The following MYO1D variants were observed in gnomAD, a reference collection of about 807,000 sequenced individuals.
MYO1D encodes myosin ID, also known as unconventional myosin-Id.
In MYO1D, 83 loss-of-function variants were observed where a neutral mutation model predicts 122.0. That is an observed-to-expected ratio of 0.68 (90% CI 0.57 to 0.82). MYO1D has a LOEUF of 0.82. Among genes scored for constraint, MYO1D ranks in the 40% least tolerant of loss-of-function variants. The pLI, the probability that MYO1D is intolerant of heterozygous loss-of-function variation, is 0.00. For missense variants in MYO1D, 1,157 were observed against 1,269.5 expected, an observed-to-expected ratio of 0.91 and a Z score of 1.35; for synonymous variants, 464 against 446.9, an observed-to-expected ratio of 1.04 and a Z score of -0.48.
rs751260618 is a variant in MYO1D, at chr17:32,780,011, T to C, written c.304+565A>G. On this transcript the variant is annotated intron_variant, in intron 2 of 21. Coordinates refer to ENST00000318217, the MANE Select transcript of MYO1D (RefSeq NM_015194.3). Reference sequence around the variant, plus strand: ...TCCCCATTTCACTACATAAGGGTCCTTGAAGGGCTCCCCTTAACGTAGGCA... The same window carrying C: ...TCCCCATTTCACTACATAAGGGTCCCTGAAGGGCTCCCCTTAACGTAGGCA... Among the ~76,000 whole-genome samples, 9 of 152,266 alleles carry C rather than the reference T, an allele frequency of 5.9e-5. No homozygotes were observed. In the East Asian group the frequency reaches 1.7e-3, roughly 29 times the overall value.
chr17:32,584,763 G>A (rs990776670), intron 21 of MYO1D, among the ~76,000 whole-genome samples: 1 of 152,124 alleles, frequency 6.6e-6, no homozygotes, highest in African/African-American at 2.4e-5. Context: ...GGAATTACAG[G>A]CATGAGCCAT....
intron 21 of MYO1D, chr17:32,531,511 T>C (rs2150873180): frequency 6.6e-6 from 1 of 152,318 alleles, no homozygotes; most frequent in South Asian, 2.1e-4. Flanking sequence ...ATTTATATAG[T>C]AAGCTTACTC....
intron 21 of MYO1D, among the ~76,000 whole-genome samples, chr17:32,515,323 C>G (rs746855034): frequency 2.6e-5 from 4 of 152,174 alleles, no homozygotes; most frequent in Admixed American, 6.5e-5. Context: ...CTCCTCCTGT[C>G]TTTTCTTTGA....
intron 1 of MYO1D, among the ~76,000 whole-genome samples, chr17:32,841,591 T>A (rs766022912): frequency 6.6e-6 from 1 of 152,122 alleles, no homozygotes; most frequent in South Asian, 2.1e-4. Context: ...ATAATAGGTG[T>A]CTACTACAAA....
In MYO1D at chr17:32,654,562, G is replaced by A. The variant is rs2088448121; in HGVS notation, c.2405C>T (p.Ala802Val). 6.2e-7 allele frequency: 1 copy of A among 1,614,016 alleles called. No homozygotes were observed. Among genetic ancestry groups the A allele is most frequent in the Non-Finnish European group, 8.5e-7 (1 of 1,179,940 alleles). Residue 802 changes from alanine (A) to valine (V), a missense_variant, in exon 18 of 22, where the codon GCA becomes GTA. Ala to Val is a moderately conservative substitution (Grantham distance 64). Transcript: ENST00000318217. ...IPASDLPQVRAKVAAVEMLKG... is the reference protein window; with the variant it reads ...IPASDLPQVRVKVAAVEMLKG... ...CAACATTTCCACGGCTGCAACCTTT[G>A]CCCTGACCTGGGGCAGGTCTGAGGC...
chr17:32,577,230 G>A (rs538360950), intron 21 of MYO1D, among the ~76,000 whole-genome samples: 2 of 141,862 alleles, frequency 1.4e-5, no homozygotes, highest in East Asian at 1.9e-4. Context: ...CAGCCTGGGC[G>A]ACAGAGTGGG....
chr17:32,832,939 G>A (rs932286617), intron 1 of MYO1D, among the ~76,000 whole-genome samples: 4 of 152,228 alleles, frequency 2.6e-5, no homozygotes, highest in African/African-American at 7.2e-5. Flanking sequence ...CCCAAGGGAC[G>A]TTTACATTAT....
intron 21 of MYO1D, among the ~76,000 whole-genome samples, chr17:32,542,678 C>T (rs988301581): frequency 1.3e-5 from 2 of 151,282 alleles, no homozygotes; most frequent in Non-Finnish European, 2.9e-5. Flanking sequence ...AAATATTTCC[C>T]GTATCAATGG....
intron 1 of MYO1D, among the ~76,000 whole-genome samples, chr17:32,804,010 T>A (rs2090484395): frequency 6.6e-6 from 1 of 152,198 alleles, no homozygotes; most frequent in African/African-American, 2.4e-5. Context: ...TATCTAGTAA[T>A]ACTAGTATTT....
rs150852960 is a variant in MYO1D, at chr17:32,769,251, C to A, written c.715-1499G>T. On this transcript the variant is annotated intron_variant, in intron 6 of 21. Transcript: ENST00000318217. The stretch of plus-strand genomic sequence containing the variant: ...CCTTTGCAGGTGACTCCTGGAAATT[C>A]TGATGACATTTTGGGACTAAAAGGA... Among the ~76,000 whole-genome samples, 343 of 152,228 alleles carry A rather than the reference C, an allele frequency of 2.3e-3. 1 individual carries two copies. Among genetic ancestry groups the A allele is most frequent in the African/African-American group, 7.4e-3 (307 of 41,538 alleles).
intron 21 of MYO1D, among the ~76,000 whole-genome samples, chr17:32,574,875 G>A (rs553790668): frequency 1.9e-4 from 29 of 152,250 alleles, no homozygotes; most frequent in Admixed American, 1.3e-3. Context: ...GTCTGTGCTC[G>A]CCACTTGCTA....
At chr17:32,555,039 G>A (rs2087056544) in intron 21 of MYO1D, among the ~76,000 whole-genome samples, 1 of 152,094 alleles carries the variant, frequency 6.6e-6, no homozygotes, top group Non-Finnish European at 1.5e-5. Flanking sequence ...CTGTCTCTAG[G>A]AATTCCTAAG....
chr17:32,714,409 T>C (rs1421391350), intron 15 of MYO1D, among the ~76,000 whole-genome samples: 1 of 152,232 alleles, frequency 6.6e-6, no homozygotes, highest in Non-Finnish European at 1.5e-5. Flanking sequence ...CTCTTTCCTT[T>C]TTATGGCTGC....
At position 32,714,849 on chromosome 17, in the gene MYO1D, G is replaced by A. The variant is rs1415378567; in HGVS notation, c.1914-2654C>T. ...ACTAAAGAGCTTCTACACAACAAACGAAATTATCATCAGAGTGAACAGACA... is the reference window on the plus strand; with the variant it reads ...ACTAAAGAGCTTCTACACAACAAACAAAATTATCATCAGAGTGAACAGACA... On this transcript the variant is annotated intron_variant, in intron 15 of 21. Coordinates refer to ENST00000318217, the MANE Select transcript of MYO1D (RefSeq NM_015194.3). 2.6e-5 allele frequency among the ~76,000 whole-genome samples: 4 copies of A among 151,986 alleles called. No individual in the cohort carries two copies. In the East Asian group the frequency reaches 5.8e-4, roughly 22 times the overall value.
chr17:32,569,962 T>G (rs1243546090), intron 21 of MYO1D, among the ~76,000 whole-genome samples: 3 of 152,206 alleles, frequency 2.0e-5, no homozygotes, highest in Non-Finnish European at 4.4e-5. Context: ...AGATGCAGTT[T>G]TGGTTAGAAA....
At chr17:32,714,871 G>A (rs2089423399) in intron 15 of MYO1D, among the ~76,000 whole-genome samples, 2 of 151,990 alleles carry the variant, frequency 1.3e-5, no homozygotes, top group African/African-American at 4.8e-5. Context: ...AGAGTGAACA[G>A]ACAACTTACA....
intron 16 of MYO1D, among the ~76,000 whole-genome samples, chr17:32,675,355 T>C (rs2088792215): frequency 6.6e-6 from 1 of 152,198 alleles, no homozygotes; most frequent in Non-Finnish European, 1.5e-5. Flanking sequence ...TCATGTTACA[T>C]TCAACTTGTA....
At chr17:32,550,972 A>G (rs1379685815) in intron 21 of MYO1D, among the ~76,000 whole-genome samples, 1 of 139,018 alleles carries the variant, frequency 7.2e-6, no homozygotes, top group Admixed American at 6.9e-5. Flanking sequence ...TGTCAAAAAA[A>G]AGAGAAAGAA....
intron 21 of MYO1D, among the ~76,000 whole-genome samples, chr17:32,558,547 G>A (rs389774): frequency 0.16 from 24,983 of 152,018 alleles, 2,566 homozygotes; most frequent in East Asian, 0.24. Context: ...TAACACAACC[G>A]CTGAGAATAA....
Sources: allele counts gnomAD v4.1 joint callset (sites outside exome capture counted in the v4.1 genomes callset), GRCh38; gene constraint gnomAD v4.1.1; transcripts MANE v1.5; gene names NCBI Gene and HGNC (gene_info 2026-07-23, HGNC 2026-07-21).